BTBD9: variants seen among roughly 807,000 people sequenced by gnomAD.
The protein encoded by BTBD9 is BTB/POZ domain-containing protein 9.
BTBD9 carries 49 observed loss-of-function variants against 64.3 expected under a neutral mutation model. The observed-to-expected ratio is 0.76, with a 90% CI of 0.61 to 0.97. The LOEUF is 0.97. Ranked by LOEUF, BTBD9 falls within the 50% of genes least tolerant of loss-of-function variation. BTBD9 has a pLI of 0.00. For synonymous variants in BTBD9, 260 were observed against 274.7 expected (o/e 0.95, Z 0.53); for missense variants, 598 against 762.1 (o/e 0.78, Z 2.53).
rs538120165 is a variant in BTBD9 at position 38,514,778 on chromosome 6, ATGTC to A, written c.1154+62818_1154+62821del. Among the ~76,000 whole-genome samples, 525 of 152,294 alleles carry A rather than the reference ATGTC, an allele frequency of 3.4e-3. 3 individuals carry two copies. The highest frequency in any genetic ancestry group is 0.012 in the African/African-American group (497 of 41,562). ...AGGAAGAGCTTGAAGAGAACCTTAAATGTCTGACTTCACCATCCACCTTAAAAGG... is the reference window on the plus strand; with the variant it reads ...AGGAAGAGCTTGAAGAGAACCTTAAATGACTTCACCATCCACCTTAAAAGG... On this transcript the variant is annotated intron_variant, in intron 6 of 10. Coordinates refer to ENST00000481247, the MANE Select transcript of BTBD9 (RefSeq NM_001099272.2).
chr6:38,178,474 CAG>C (rs1761384119), intron 10 of BTBD9, among the ~76,000 whole-genome samples: 1 of 152,144 alleles, frequency 6.6e-6, no homozygotes, highest in African/African-American at 2.4e-5. Flanking sequence ...CAGCTGCCCT[CAG>C]AGGGTGTACG....
chr6:38,342,397 G>A (rs576742798), intron 7 of BTBD9, among the ~76,000 whole-genome samples: 11 of 151,996 alleles, frequency 7.2e-5, no homozygotes, highest in Non-Finnish European at 1.0e-4. Flanking sequence ...TTAGCCAGGC[G>A]TTGTGGCCGA....
At chr6:38,512,211 G>A (rs1772807656) in intron 6 of BTBD9, among the ~76,000 whole-genome samples, 1 of 152,008 alleles carries the variant, frequency 6.6e-6, no homozygotes, top group Non-Finnish European at 1.5e-5. Context: ...GATCTCAGGT[G>A]ATCTGCCCGC....
chr6:38,601,772 T>C (rs934117242), intron 1 of BTBD9, among the ~76,000 whole-genome samples: 4 of 152,072 alleles, frequency 2.6e-5, no homozygotes, highest in Admixed American at 6.6e-5. Flanking sequence ...TATTTGCAGA[T>C]AATGACTGCC....
At chr6:38,299,634 T>G (rs958554720) in intron 7 of BTBD9, among the ~76,000 whole-genome samples, 8 of 152,258 alleles carry the variant, frequency 5.3e-5, no homozygotes, top group African/African-American at 1.9e-4. Context: ...TTCATGTGTT[T>G]TTTGGCTGCA....
At chr6:38,341,050 T>G (rs937446856) in intron 7 of BTBD9, among the ~76,000 whole-genome samples, 16 of 152,200 alleles carry the variant, frequency 1.1e-4, no homozygotes, top group African/African-American at 3.9e-4. Context: ...GCCTAGTTTC[T>G]TAACAAATAA....
intron 6 of BTBD9, among the ~76,000 whole-genome samples, chr6:38,455,529 A>G (rs1428936978): frequency 6.6e-6 from 1 of 152,178 alleles, no homozygotes; most frequent in Non-Finnish European, 1.5e-5. Flanking sequence ...AGCCTTTTGA[A>G]TCTTGCTTTT....
At chr6:38,621,406 G>A (rs1039042853) in intron 1 of BTBD9, among the ~76,000 whole-genome samples, 1 of 152,152 alleles carries the variant, frequency 6.6e-6, no homozygotes, top group African/African-American at 2.4e-5. Flanking sequence ...ACTCTTGGAA[G>A]TCCCCTTAGC....
At chr6:38,373,632 A>T (rs1442618674) in intron 6 of BTBD9, among the ~76,000 whole-genome samples, 1 of 152,164 alleles carries the variant, frequency 6.6e-6, no homozygotes, top group African/African-American at 2.4e-5. Context: ...GCCAGGCTCA[A>T]GCGATCCTCC....
chr6:38,262,754 G>C (rs1000429384), intron 8 of BTBD9, among the ~76,000 whole-genome samples: 2 of 152,106 alleles, frequency 1.3e-5, no homozygotes, highest in Admixed American at 1.3e-4. Flanking sequence ...CCAAATTGTA[G>C]CATTTTAATT....
intron 6 of BTBD9, among the ~76,000 whole-genome samples, chr6:38,513,094 G>A (rs889390010): frequency 2.6e-5 from 4 of 152,098 alleles, no homozygotes; most frequent in Non-Finnish European, 5.9e-5. Flanking sequence ...TAGTGTCCAG[G>A]CAATCCTAAG....
intron 6 of BTBD9, among the ~76,000 whole-genome samples, chr6:38,427,075 C>A (rs1768195813): frequency 6.6e-6 from 1 of 151,724 alleles, no homozygotes; most frequent in Admixed American, 6.6e-5. Flanking sequence ...CACCCTGATA[C>A]CCATGTCCAT....
At chr6:38,472,409 C>G (rs1338502098) in intron 6 of BTBD9, among the ~76,000 whole-genome samples, 1 of 152,038 alleles carries the variant, frequency 6.6e-6, no homozygotes, top group Non-Finnish European at 1.5e-5. Flanking sequence ...TAACATTTTA[C>G]AGAGTGTTAA....
intron 6 of BTBD9, among the ~76,000 whole-genome samples, chr6:38,465,501 G>A (rs1287456405): frequency 7.0e-6 from 1 of 142,224 alleles, no homozygotes; most frequent in African/African-American, 2.6e-5. Context: ...CGTGGTGGTG[G>A]GCGCCTGTAG....
intron 7 of BTBD9, among the ~76,000 whole-genome samples, chr6:38,339,530 G>T (rs1730435860): frequency 1.3e-5 from 2 of 152,088 alleles, no homozygotes; most frequent in African/African-American, 4.8e-5. Context: ...TATATAATAT[G>T]TATGGTATAT....
intron 8 of BTBD9, among the ~76,000 whole-genome samples, chr6:38,279,859 A>C (rs1761443337): frequency 1.3e-5 from 2 of 152,230 alleles, no homozygotes; most frequent in African/African-American, 4.8e-5. Flanking sequence ...AAAATGTCTT[A>C]TTGATGGGTT....
rs72849809 is a variant in BTBD9, at chr6:38,208,908, T to C, written c.1563-16311A>G. On this transcript the variant is annotated intron_variant, in intron 9 of 10. Transcript: ENST00000481247. The stretch of plus-strand genomic sequence containing the variant: ...GGCAGCAAAAAACCGTGTTAGGAGC[T>C]ATGGGAATTAGTGATTGTTTTGGCC... 8.4e-3 allele frequency among the ~76,000 whole-genome samples: 1,279 copies of C among 152,294 alleles called. 4 individuals are homozygous for C. Among genetic ancestry groups the C allele is most frequent in the Middle Eastern group, 0.017 (5 of 294 alleles).
intron 6 of BTBD9, among the ~76,000 whole-genome samples, chr6:38,465,706 ATTATATATATAT>A (rs1432054250): frequency 1.7e-5 from 1 of 60,398 alleles, no homozygotes; most frequent in African/African-American, 6.8e-5. Flanking sequence ...AAATAAATAA[ATTATATATATAT>A]ATATATATAT....
chr6:38,482,244 T>C (rs1224403587), intron 6 of BTBD9: 1 of 152,172 alleles, frequency 6.6e-6, no homozygotes, highest in East Asian at 1.9e-4. Context: ...CTGATCACAC[T>C]GGGATCTCCT....
Sources: allele counts gnomAD v4.1 joint callset (sites outside exome capture counted in the v4.1 genomes callset), GRCh38; gene constraint gnomAD v4.1.1; transcripts MANE v1.5; gene names NCBI Gene and HGNC (gene_info 2026-07-23, HGNC 2026-07-21).